Variants in TTLL4 observed in about 807,000 individuals in gnomAD.
TTLL4 encodes the protein tubulin tyrosine ligase like 4.
Under a neutral mutation model 122.7 loss-of-function variants are expected in TTLL4, and 85 were observed. The observed-to-expected ratio is 0.69, with a 90% CI of 0.58 to 0.83. The LOEUF is 0.83. TTLL4 is among the 40% of genes least tolerant of loss of function. The probability of loss-of-function intolerance (pLI) is 0.00; values close to 1 mark genes in which losing one functional copy is unlikely to be tolerated. For synonymous variants in TTLL4, 553 were observed against 563.0 expected, an observed-to-expected ratio of 0.98 and a Z score of 0.25; for missense variants, 1,363 against 1,488.6, an observed-to-expected ratio of 0.92 and a Z score of 1.39.
At chr2:218,731,899 G>A (rs1424802767) in intron 2 of TTLL4, among the ~76,000 whole-genome samples, 1 of 152,204 alleles carries the variant, frequency 6.6e-6, no homozygotes, top group Non-Finnish European at 1.5e-5. Flanking sequence ...TTCTAAACTT[G>A]AACTCTGCCT....
downstream of TTLL4, among the ~76,000 whole-genome samples, chr2:218,755,610 T>A (rs1943136574): frequency 6.6e-6 from 1 of 152,152 alleles, no homozygotes; most frequent in Non-Finnish European, 1.5e-5. Context: ...GCTGCTTGCC[T>A]CCTCCCCAGC....
chr2:218,739,331 A>G (rs1423395131), intron 3 of TTLL4, among the ~76,000 whole-genome samples, 168 bp downstream of exon 3: 1 of 152,198 alleles, frequency 6.6e-6, no homozygotes, highest in African/African-American at 2.4e-5. Context: ...TTGCAGACCA[A>G]ATCTTGCTTG....
rs185677810 is a variant in TTLL4, at chr2:218,747,593, G to A, written c.2250-4G>A. On this transcript the variant is annotated splice_polypyrimidine_tract_variant and splice_region_variant and intron_variant, in intron 10 of 19. Coordinates refer to ENST00000392102, the MANE Select transcript of TTLL4 (RefSeq NM_014640.5). The surrounding 1 kb of genome is among the most constrained non-coding windows in gnomAD (Gnocchi z 4.7). The stretch of plus-strand genomic sequence containing the variant: ...TATGAGAAGCTGGCCTTTGTCCTAT[G>A]TAGGTATCTACACAAACCCTACCTC... The A allele has an allele frequency of 6.2e-7, 1 of 1,614,020 alleles. No individual in the cohort carries two copies. Among genetic ancestry groups the A allele is most frequent in the East Asian group, 2.2e-5 (1 of 44,878 alleles).
chr2:218,722,571 C>T (rs1266758023), intron 1 of TTLL4, among the ~76,000 whole-genome samples: 5 of 152,004 alleles, frequency 3.3e-5, no homozygotes, highest in Non-Finnish European at 7.4e-5. Context: ...TCAGAGGAAA[C>T]CACAAAGATC....
chr2:218,717,465 C>G (rs1025716172), intron 1 of TTLL4, among the ~76,000 whole-genome samples: 10 of 152,180 alleles, frequency 6.6e-5, no homozygotes, highest in African/African-American at 2.4e-4. Flanking sequence ...AACCCTTCCA[C>G]TGGTTTCACT....
At chr2:218,751,881 G>GTTTT in intron 16 of TTLL4, 75 bp downstream of exon 16, 2 of 678,370 alleles carry the variant, frequency 2.9e-6, no homozygotes, top group South Asian at 2.3e-5. Context: ...AAAGCAAACA[G>GTTTT]CTTTTCTTTT....
Position 218,755,193 on chromosome 2 carries a change from T to G in TTLL4, c.*804T>G, listed in dbSNP as rs1943128157. On this transcript the variant is annotated 3_prime_UTR_variant, in exon 20 of 20. Coordinates refer to ENST00000392102, the MANE Select transcript of TTLL4 (RefSeq NM_014640.5). ...TGTCTCCATGTATCAAAGGACACAG[T>G]CCAGGGGGAGGGTGGAAGGAGATGT... is the stretch of plus-strand genomic sequence containing the variant. 1 of 152,156 alleles carries G rather than the reference T, an allele frequency of 6.6e-6. No homozygotes were observed. The highest frequency in any genetic ancestry group is 2.1e-4 in the South Asian group (1 of 4,828). The allele number at this position is 152,156 out of a possible 1,614,324, so 9.4% of individuals were successfully genotyped here.
At chr2:218,734,964 C>A (rs1224101682) in intron 2 of TTLL4, among the ~76,000 whole-genome samples, 1 of 152,156 alleles carries the variant, frequency 6.6e-6, no homozygotes, top group Non-Finnish European at 1.5e-5. Flanking sequence ...TCTGTAACCT[C>A]ATTTTGAGGT....
In TTLL4 at chr2:218,717,852, G is replaced by T. The variant is rs369788850; in HGVS notation, c.-178+6815G>T. Among the ~76,000 whole-genome samples the T allele has an allele frequency of 4.2e-4, 64 of 151,474 alleles. 2 individuals are homozygous for T. The East Asian group carries it at 6.0e-3, about 14-fold the overall frequency. ...CTTGCTCTGTCACCCAGGCTGGAGT[G>T]CAGTGGCACAGTCTCGGCTCACTGC... is the stretch of plus-strand genomic sequence containing the variant. On this transcript the variant is annotated intron_variant, in intron 1 of 19. Coordinates refer to ENST00000392102, the MANE Select transcript of TTLL4 (RefSeq NM_014640.5).
intron 1 of TTLL4, among the ~76,000 whole-genome samples, chr2:218,724,854 G>A (rs1307662647): frequency 2.0e-5 from 3 of 151,866 alleles, no homozygotes; most frequent in Non-Finnish European, 4.4e-5. Context: ...GGTTATCTGT[G>A]GTTATTGTGA....
intron 2 of TTLL4, among the ~76,000 whole-genome samples, chr2:218,732,829 AG>A (rs1376168774): frequency 6.6e-6 from 1 of 152,230 alleles, no homozygotes; most frequent in East Asian, 1.9e-4. Context: ...TGATCTCATC[AG>A]GAATCTCTAT....
intron 3 of TTLL4, 109 bp downstream of exon 3, chr2:218,739,272 C>A: frequency 1.4e-6 from 2 of 1,382,616 alleles, no homozygotes; most frequent in Non-Finnish European, 1.9e-6. Context: ...TTTTAGCTGC[C>A]CTAGAATTTT....
chr2:218,754,997 GT>G lies in TTLL4; in HGVS notation c.*609del, dbSNP rs896794728. On this transcript the variant is annotated 3_prime_UTR_variant, in exon 20 of 20. Transcript: ENST00000392102. Reference sequence around the variant, plus strand: ...ATACCCACCCTGCCAGCAGCCCTAGGTCTTCCTGTTCTGACCCCCCATCACT... The same window carrying G: ...ATACCCACCCTGCCAGCAGCCCTAGGCTTCCTGTTCTGACCCCCCATCACT... The G allele has an allele frequency of 1.9e-5, 3 of 154,740 alleles. No homozygotes were observed. The highest frequency in any genetic ancestry group is 7.2e-5 in the African/African-American group (3 of 41,426). The allele number at this position is 154,740 out of a possible 1,614,324, so 9.6% of individuals were successfully genotyped here. A position where few individuals can be genotyped will look rare whatever the true frequency, so the allele number is the denominator to read the frequency against.
chr2:218,753,136 G>C lies in TTLL4; in HGVS notation c.3209G>C (p.Trp1070Ser). The C allele has an allele frequency of 6.2e-7, 1 of 1,614,144 alleles. No individual in the cohort carries two copies. The highest frequency in any genetic ancestry group is 8.5e-7 in the Non-Finnish European group (1 of 1,180,028). ...CTAGGAGTAGATCTGCTCCGGAGTT[G>C]GTGCTACAAAGGGTTCCACATGGGA... ...KLKGVDLLRS[W>S]CYKGFHMGVV... The change falls in exon 18 of 20, where the codon TGG (tryptophan) becomes TCG (serine). Residue 1070 changes from tryptophan to serine, a missense_variant. Trp to Ser is a radical substitution (Grantham distance 177). Around this residue, in one of 3 missense-constraint regions of TTLL4, gnomAD observed 596 missense variants for 655.8 expected, o/e 0.91. Transcript: ENST00000392102.
In TTLL4 at chr2:218,754,137, A is replaced by G; in HGVS notation, c.3348A>G (p.Lys1116=). The G allele has an allele frequency of 6.2e-7, 1 of 1,614,114 alleles. No homozygotes were observed. Among genetic ancestry groups the G allele is most frequent in the Non-Finnish European group, 8.5e-7 (1 of 1,180,020 alleles). ...FSKSETSKLG[K]QSSCEVSLLL... ...TTTCACCACCTATTCCCTCCAGAAA[A>G]CAAAGCTCCTGTGAGGTTAGCCTAC... The change falls in exon 20 of 20, where the codon AAA becomes AAG. Residue 1116 remains lysine (K), a synonymous_variant. Coordinates refer to ENST00000392102, the MANE Select transcript of TTLL4 (RefSeq NM_014640.5).
chr2:218,728,198 A>G (rs1385635874), intron 2 of TTLL4: 2 of 152,764 alleles, frequency 1.3e-5, no homozygotes, highest in East Asian at 1.9e-4. Flanking sequence ...ATTCAAGCAC[A>G]TTAAATTTTT....
chr2:218,713,866 G>A (rs1454415682), intron 1 of TTLL4, among the ~76,000 whole-genome samples: 5 of 152,198 alleles, frequency 3.3e-5, no homozygotes, highest in Non-Finnish European at 5.9e-5. Context: ...GGTTTAGAGA[G>A]ATGTTAACCA....
At chr2:218,730,174 A>G (rs1362183818) in intron 2 of TTLL4, among the ~76,000 whole-genome samples, 5 of 151,978 alleles carry the variant, frequency 3.3e-5, no homozygotes, top group Non-Finnish European at 7.4e-5. Flanking sequence ...TATAGGGTCT[A>G]ATAGAAATGG....
chr2:218,714,144 A>C (rs1256070973), intron 1 of TTLL4, among the ~76,000 whole-genome samples: 1 of 152,216 alleles, frequency 6.6e-6, no homozygotes, highest in African/African-American at 2.4e-5. Flanking sequence ...GGCAGCTGCC[A>C]CTTGTTGAGT....
Sources: allele counts gnomAD v4.1 joint callset (sites outside exome capture counted in the v4.1 genomes callset), GRCh38; gene constraint gnomAD v4.1.1; regional missense constraint gnomAD v4.1.1; non-coding constraint Gnocchi (gnomAD v3.1); transcripts MANE v1.5; gene names NCBI Gene and HGNC (gene_info 2026-07-23, HGNC 2026-07-21).